LEMD3: variants seen among roughly 807,000 people sequenced by gnomAD.
LEMD3 encodes LEM domain containing 3.
LEMD3 carries 33 observed loss-of-function variants against 95.2 expected under a neutral mutation model. That is an observed-to-expected ratio of 0.35 (90% confidence interval 0.26 to 0.46). The LOEUF (loss-of-function observed/expected upper bound fraction) is 0.46. Among genes scored for constraint, LEMD3 ranks in the 20% least tolerant of loss-of-function variants. The pLI is 1.00. For missense variants in LEMD3, 1,210 were observed against 1,192.8 expected (o/e 1.01, Z -0.21); for synonymous variants, 525 against 474.6 (o/e 1.11, Z -1.38).
chr12:65,238,564 A>C lies in LEMD3; in HGVS notation c.1758A>C (p.Gly586=), dbSNP rs769822113. ...CATTGCAGTGGATCTTAGAAAATGG[A>C]AAAGATGTTGGAATAAGGTAAAGGA... ...NTSLQWILEN[G]KDVGIRCVGF... The change falls in exon 5 of 13, where the codon GGA becomes GGC. Residue 586 remains glycine (G), a synonymous_variant. Coordinates refer to ENST00000308330, the MANE Select transcript of LEMD3 (RefSeq NM_014319.5). 1 of 1,612,400 alleles carries C rather than the reference A, an allele frequency of 6.2e-7. No individual in the cohort carries two copies. The highest frequency in any genetic ancestry group is 2.2e-5 in the East Asian group (1 of 44,842).
chr12:65,169,593 G>A lies in LEMD3; in HGVS notation c.-4G>A. 6.3e-7 allele frequency: 1 copy of A among 1,588,786 alleles called. No homozygotes were observed. The highest frequency in any genetic ancestry group is 2.3e-5 in the East Asian group (1 of 44,098). On this transcript the variant is annotated 5_prime_UTR_variant, in exon 1 of 13. Coordinates refer to ENST00000308330, the MANE Select transcript of LEMD3 (RefSeq NM_014319.5). The stretch of plus-strand genomic sequence containing the variant: ...CGGAGCTTGTAAAACACCCTGGAGA[G>A]AAAATGGCGGCGGCAGCAGCTTCGG...
At chr12:65,233,736 TACTA>T (rs1870696868) in intron 4 of LEMD3, among the ~76,000 whole-genome samples, 2 of 152,206 alleles carry the variant, frequency 1.3e-5, no homozygotes, top group African/African-American at 2.4e-5. Context: ...TTTCCCTTCT[TACTA>T]ACTAAAGTTT....
Position 65,170,098 on chromosome 12 carries a change from C to A in LEMD3, c.502C>A (p.Arg168Ser). ...GAAAGACCGGGCTTCGCTCCAGTAC[C>A]GCGGGCTCAAAGCGCCGCCGGCGCC... is the stretch of plus-strand genomic sequence containing the variant. Reference protein sequence around the residue: ...GRKDRASLQYRGLKAPPAPLA... With the variant: ...GRKDRASLQYSGLKAPPAPLA... Residue 168 changes from arginine (R) to serine (S), a missense_variant, in exon 1 of 13, where the codon CGC becomes AGC. Arg to Ser is a moderately radical substitution (Grantham distance 110). Around this residue, in one of 2 missense-constraint regions of LEMD3, gnomAD observed 749 missense variants for 622.9 expected, o/e 1.20. Coordinates refer to ENST00000308330, the MANE Select transcript of LEMD3 (RefSeq NM_014319.5). 1 of 1,470,100 alleles carries A rather than the reference C, an allele frequency of 6.8e-7. No homozygotes were observed. Among genetic ancestry groups the A allele is most frequent in the Non-Finnish European group, 8.9e-7 (1 of 1,119,324 alleles). 91.1% of individuals were successfully genotyped at this position (1,470,100 alleles called of 1,614,324 possible). A position where few individuals can be genotyped will look rare whatever the true frequency, so the allele number is the denominator to read the frequency against.
chr12:65,208,624 G>A (rs530628384), intron 1 of LEMD3, among the ~76,000 whole-genome samples: 16 of 152,234 alleles, frequency 1.1e-4, no homozygotes, highest in African/African-American at 3.6e-4. Flanking sequence ...AAGAAAAAAT[G>A]TATAAAGATA....
intron 1 of LEMD3, among the ~76,000 whole-genome samples, chr12:65,184,096 TATTC>T (rs1432419576): frequency 1.3e-5 from 2 of 152,200 alleles, no homozygotes; most frequent in African/African-American, 4.8e-5. Flanking sequence ...GAGAAGTTCT[TATTC>T]ATCATGCTCT....
At chr12:65,198,479 G>C (rs1469542164) in intron 1 of LEMD3, among the ~76,000 whole-genome samples, 1 of 152,076 alleles carries the variant, frequency 6.6e-6, no homozygotes, top group Non-Finnish European at 1.5e-5. Context: ...CTAAGAGTTA[G>C]GTTGCTCAAA....
intron 4 of LEMD3, among the ~76,000 whole-genome samples, chr12:65,226,365 A>G (rs1870448940): frequency 1.3e-5 from 2 of 152,108 alleles, no homozygotes. Context: ...GTGCTTGCCT[A>G]GGTGCAGGAA....
rs144086377 is a variant in LEMD3, at chr12:65,170,458, C to T, written c.862C>T (p.Arg288Ter). The T allele has an allele frequency of 6.2e-7, 1 of 1,613,694 alleles. No individual in the cohort carries two copies. Among genetic ancestry groups the T allele is most frequent in the South Asian group, 1.1e-5 (1 of 91,066 alleles). Reference sequence around the variant, plus strand: ...CTCCCTTTCCCGGCATCGGCCCAGACGAACCCATAGTAAGCCTCTCCCCCC... The same window carrying T: ...CTCCCTTTCCCGGCATCGGCCCAGATGAACCCATAGTAAGCCTCTCCCCCC... ...DDSLSRHRPR[R>*]THSKPLPPLT... Residue 288 changes from arginine to a stop codon, truncating the protein, a stop_gained, in exon 1 of 13, where the codon CGA becomes TGA. Transcript: ENST00000308330. LOFTEE classifies it high-confidence loss of function.
At chr12:65,178,766 A>G (rs1868809175) in intron 1 of LEMD3, among the ~76,000 whole-genome samples, 1 of 152,210 alleles carries the variant, frequency 6.6e-6, no homozygotes, top group Admixed American at 6.5e-5. Flanking sequence ...AAGCGGCAGT[A>G]TTTGAACTCA....
At position 65,241,627 on chromosome 12, in the gene LEMD3, G is replaced by C. The variant is rs534896313; in HGVS notation, c.2305+540G>C. ...ACATGTATAAATAAGAAAGGGGTAAGTTTATAGGGGGTTTTGAAGATTGGC... is the reference window on the plus strand; with the variant it reads ...ACATGTATAAATAAGAAAGGGGTAACTTTATAGGGGGTTTTGAAGATTGGC... On this transcript the variant is annotated intron_variant, in intron 9 of 12. Transcript: ENST00000308330. Among the ~76,000 whole-genome samples the C allele has an allele frequency of 9.2e-5, 14 of 152,218 alleles. No individual in the cohort carries two copies. In the East Asian group the frequency reaches 2.5e-3, roughly 27 times the overall value.
chr12:65,170,583 C>T lies in LEMD3; in HGVS notation c.987C>T (p.Asp329=), dbSNP rs1868506721. 6.2e-7 allele frequency: 1 copy of T among 1,613,852 alleles called. No individual in the cohort carries two copies. Among genetic ancestry groups the T allele is most frequent in the Admixed American group, 1.7e-5 (1 of 59,974 alleles). The stretch of plus-strand genomic sequence containing the variant: ...GGGCGGCGGCTGCCGGGAGTCTAGA[C>T]AGGAGCCGAAACCTCGAAGAGGCGG... ...NDRAAAAGSL[D]RSRNLEEAAA... is the part of the protein sequence containing the mutation. The change falls in exon 1 of 13, where the codon GAC becomes GAT. Residue 329 remains aspartate, a synonymous_variant. Coordinates refer to ENST00000308330, the MANE Select transcript of LEMD3 (RefSeq NM_014319.5).
intron 1 of LEMD3, among the ~76,000 whole-genome samples, chr12:65,191,873 C>T (rs1481650143): frequency 2.2e-5 from 3 of 134,746 alleles, no homozygotes; most frequent in Non-Finnish European, 3.0e-5. Context: ...TGTAGTGAAC[C>T]GAAATCGCAC....
At chr12:65,192,353 T>C (rs551843346) in intron 1 of LEMD3, among the ~76,000 whole-genome samples, 1 of 152,194 alleles carries the variant, frequency 6.6e-6, no homozygotes, top group African/African-American at 2.4e-5. Flanking sequence ...TTTTCTCATA[T>C]GCATTCATAT....
rs772216122 is a variant in LEMD3, at chr12:65,169,772, G to A, written c.176G>A (p.Arg59His). Residue 59 changes from arginine to histidine, a missense_variant, in exon 1 of 13, where the codon CGC becomes CAC. Physicochemically the swap from Arg to His is conservative, Grantham distance 29 (BLOSUM62 0). Around this residue, in one of 2 missense-constraint regions of LEMD3, gnomAD observed 749 missense variants for 622.9 expected, o/e 1.20. Transcript: ENST00000308330. ...EEQQQHRSGGRGNKTRNSNNN... is the reference protein window; with the variant it reads ...EEQQQHRSGGHGNKTRNSNNN... ...CAGCAACAGCACCGGTCAGGGGGCC[G>A]CGGCAACAAGACGCGGAACAGTAAT... The A allele has an allele frequency of 6.3e-6, 10 of 1,582,296 alleles. No individual in the cohort carries two copies. The East Asian group carries it at 2.1e-4, about 33-fold the overall frequency.
intron 6 of LEMD3, 35 bp from the exon 7 acceptor site, chr12:65,239,894 C>A (rs1271545035): frequency 1.4e-6 from 2 of 1,421,508 alleles, no homozygotes; most frequent in Middle Eastern, 2.0e-4. Context: ...ATATTGACCA[C>A]AATTTTTAAA....
chr12:65,213,126 G>A (rs1869994461), intron 2 of LEMD3, among the ~76,000 whole-genome samples: 1 of 147,536 alleles, frequency 6.8e-6, no homozygotes, highest in Admixed American at 6.6e-5. Flanking sequence ...AAAGTAAATA[G>A]TATATCTCAT....
intron 4 of LEMD3, among the ~76,000 whole-genome samples, chr12:65,230,095 C>G (rs1316835817): frequency 1.3e-5 from 2 of 152,110 alleles, no homozygotes; most frequent in Non-Finnish European, 2.9e-5. Flanking sequence ...GCACCTATGT[C>G]GAAAATCAGT....
intron 1 of LEMD3, among the ~76,000 whole-genome samples, chr12:65,198,625 A>G (rs1205603654): frequency 1.3e-5 from 2 of 152,132 alleles, no homozygotes; most frequent in African/African-American, 4.8e-5. Flanking sequence ...GAACCCCCAC[A>G]GATACTAAAA....
intron 4 of LEMD3, among the ~76,000 whole-genome samples, chr12:65,221,986 AC>A (rs1870306057): frequency 6.6e-6 from 1 of 151,778 alleles, no homozygotes; most frequent in South Asian, 2.1e-4. Context: ...CACGTGATCC[AC>A]CCACCTCGGC....
Sources: allele counts gnomAD v4.1 joint callset (sites outside exome capture counted in the v4.1 genomes callset), GRCh38; gene constraint gnomAD v4.1.1; regional missense constraint gnomAD v4.1.1; transcripts MANE v1.5; gene names NCBI Gene and HGNC (gene_info 2026-07-23, HGNC 2026-07-21).